The following PCDHGA7 variants were observed in gnomAD, a reference collection of about 807,000 sequenced individuals.
The protein encoded by PCDHGA7 is protocadherin gamma subfamily A, 7, also known as protocadherin gamma-A7.
In PCDHGA7, 44 loss-of-function variants were observed where a neutral mutation model predicts 58.3. That is an observed-to-expected ratio of 0.75 (90% CI 0.59 to 0.97). The LOEUF (loss-of-function observed/expected upper bound fraction) is 0.97. PCDHGA7 is among the 50% of genes least tolerant of loss of function. PCDHGA7 has a pLI of 0.00. For missense variants in PCDHGA7, 1,266 were observed against 1,188.7 expected, an observed-to-expected ratio of 1.06 and a Z score of -0.96; for synonymous variants, 516 against 504.2, an observed-to-expected ratio of 1.02 and a Z score of -0.31.
intron 1 of PCDHGA7, among the ~76,000 whole-genome samples, chr5:141,472,001 G>A (rs992798148): frequency 1.1e-4 from 17 of 152,022 alleles, no homozygotes; most frequent in East Asian, 3.9e-4. Context: ...TCCCTGCATC[G>A]TATAGGGGCA....
Position 141,413,166 on chromosome 5 carries a change from C to T in PCDHGA7, c.2424+27843C>T, listed in dbSNP as rs758193163. ...GTGAGGACTTTGCAGAATTCTGTAA[C>T]CAGACTACAATGGCCGCTCAAAGGA... On this transcript the variant is annotated intron_variant, in intron 1 of 3. Transcript: ENST00000518325. 5 of 1,590,278 alleles carry T rather than the reference C, an allele frequency of 3.1e-6. No individual in the cohort carries two copies. The East Asian group carries it at 1.1e-4, about 36-fold the overall frequency.
rs759346998 is a variant in PCDHGA7, at chr5:141,410,849, C to CTTTTTTTTTTTTTTTTTTTTTTTTTTTTT, written c.2424+25548_2424+25549insTTTTTTTTTTTTTTTTTTTTTTTTTTTTT. 5.4e-5 allele frequency: 7 copies of CTTTTTTTTTTTTTTTTTTTTTTTTTTTTT among 129,786 alleles called. 2 individuals carry two copies. The highest frequency in any genetic ancestry group is 3.0e-4 in the African/African-American group (5 of 16,598). 8.0% of individuals were successfully genotyped at this position (129,786 alleles called of 1,614,324 possible). A position where few individuals can be genotyped will look rare whatever the true frequency, so the allele number is the denominator to read the frequency against. ...CAGACTGAAGATATTTTGTCTTTGT[C>CTTTTTTTTTTTTTTTTTTTTTTTTTTTTT]TTTTTTTTTTTTTTTTTTTTTTGAG... On this transcript the variant is annotated intron_variant, in intron 1 of 3. Transcript: ENST00000518325.
At chr5:141,509,136 C>T (rs1217992935) in intron 3 of PCDHGA7, among the ~76,000 whole-genome samples, 1 of 152,142 alleles carries the variant, frequency 6.6e-6, no homozygotes, top group Non-Finnish European at 1.5e-5. Context: ...AAAACCGAGG[C>T]GCATCCCGGC....
chr5:141,457,270 T>C (rs1338894991), intron 1 of PCDHGA7, among the ~76,000 whole-genome samples: 2 of 152,234 alleles, frequency 1.3e-5, no homozygotes. Flanking sequence ...TTCCCCTCTG[T>C]GGGCCTACGA....
intron 1 of PCDHGA7, chr5:141,478,260 T>C (rs1340624663): frequency 6.2e-7 from 1 of 1,614,182 alleles, no homozygotes; most frequent in East Asian, 2.2e-5. Context: ...GTAATCATAT[T>C]CAAAGTTTAC....
intron 1 of PCDHGA7, chr5:141,416,261 A>G (rs2096009073): frequency 6.6e-6 from 1 of 152,294 alleles, no homozygotes; most frequent in Non-Finnish European, 1.5e-5. Flanking sequence ...ACACTGCAGT[A>G]TCCTTTTTGC....
chr5:141,384,001 CT>C lies in PCDHGA7; in HGVS notation c.1106del (p.Phe369SerfsTer14), dbSNP rs752837795. 1 of 1,613,828 alleles carries C rather than the reference CT, an allele frequency of 6.2e-7. No homozygotes were observed. The highest frequency in any genetic ancestry group is 1.1e-5 in the South Asian group (1 of 91,072). On this transcript the variant is annotated frameshift_variant, in exon 1 of 4. Coordinates refer to ENST00000518325, the MANE Select transcript of PCDHGA7 (RefSeq NM_018920.4). LOFTEE classifies it high-confidence loss of function. ...CACACCTCTTGGGACAGTCATTGCT[CT>C]TTTCTACCTACAAGACAGAGATTCT... is the stretch of plus-strand genomic sequence containing the variant. ...EDTPLGTVIA[L>X]FYLQDRDSGK... is the part of the protein sequence containing the mutation.
At chr5:141,402,361 T>G (rs2094255838) in intron 1 of PCDHGA7, among the ~76,000 whole-genome samples, 1 of 151,992 alleles carries the variant, frequency 6.6e-6, no homozygotes, top group Admixed American at 6.6e-5. Flanking sequence ...ATGAATGTAC[T>G]TCCAAACAAG....
chr5:141,440,535 G>C (rs1305958587), intron 1 of PCDHGA7: 1 of 152,154 alleles, frequency 6.6e-6, no homozygotes, highest in African/African-American at 2.4e-5. Flanking sequence ...CATGCACCAC[G>C]GTTCAGCAGG....
intron 1 of PCDHGA7, among the ~76,000 whole-genome samples, chr5:141,405,659 G>A (rs867774573): frequency 2.0e-5 from 3 of 152,106 alleles, no homozygotes; most frequent in Non-Finnish European, 4.4e-5. Flanking sequence ...TGTGTTTTTA[G>A]TAGAGACGGG....
At chr5:141,429,875 A>G (rs959789833) in intron 1 of PCDHGA7, among the ~76,000 whole-genome samples, 3 of 152,322 alleles carry the variant, frequency 2.0e-5, no homozygotes, top group Middle Eastern at 6.8e-3. Context: ...ATTTTCTTTT[A>G]CTAAGTTTCC....
chr5:141,463,548 A>C (rs2099063677), intron 1 of PCDHGA7, among the ~76,000 whole-genome samples: 1 of 140,798 alleles, frequency 7.1e-6, no homozygotes, highest in Non-Finnish European at 1.5e-5. Context: ...TCCCGGGTTC[A>C]TGCCATTCTC....
intron 1 of PCDHGA7, chr5:141,421,256 G>A (rs1205670837): frequency 1.2e-6 from 2 of 1,607,696 alleles, no homozygotes; most frequent in African/African-American, 1.3e-5. Flanking sequence ...CGCGGGGACC[G>A]CAGTCGGCTG....
chr5:141,415,387 G>A (rs1347191224), intron 1 of PCDHGA7: 2 of 1,614,168 alleles, frequency 1.2e-6, no homozygotes. Context: ...CGGCTTGACA[G>A]GTGTGTCCGG....
intron 3 of PCDHGA7, 146 bp from the exon 4 acceptor site, chr5:141,510,801 A>G: frequency 6.7e-7 from 1 of 1,489,832 alleles, no homozygotes; most frequent in Non-Finnish European, 9.1e-7. Flanking sequence ...AAGAGAGACT[A>G]CCTTGGTGAC....
In PCDHGA7 at chr5:141,431,889, A is replaced by G; in HGVS notation, c.2424+46566A>G. 1 of 1,614,170 alleles carries G rather than the reference A, an allele frequency of 6.2e-7. No homozygotes were observed. The highest frequency in any genetic ancestry group is 2.2e-5 in the East Asian group (1 of 44,888). On this transcript the variant is annotated intron_variant, in intron 1 of 3. Transcript: ENST00000518325. The surrounding 1 kb of genome is among the most constrained non-coding windows in gnomAD (Gnocchi z 4.8). The stretch of plus-strand genomic sequence containing the variant: ...TTAAATGTAAATGACCAAGATTCTG[A>G]GGAAAACGGACAGGTGATCTGTTTC...
intron 1 of PCDHGA7, chr5:141,410,614 G>A: frequency 6.2e-7 from 1 of 1,604,858 alleles, no homozygotes; most frequent in South Asian, 1.1e-5. Flanking sequence ...CTGAGACTCT[G>A]ACTTCGGTGA....
At position 141,415,641 on chromosome 5, in the gene PCDHGA7, TAA is replaced by T. The variant is rs113784532; in HGVS notation, c.2424+30328_2424+30329del. On this transcript the variant is annotated intron_variant, in intron 1 of 3. Transcript: ENST00000518325. ...GTTTTATTTTCATTTTTACTTTTGT[TAA>T]AAAAAAAAAGATTGGTTTTTACTTT... is the stretch of plus-strand genomic sequence containing the variant. 3.1e-5 allele frequency: 40 copies of T among 1,280,748 alleles called. No homozygotes were observed. The African/African-American group carries it at 4.6e-4, about 15-fold the overall frequency. 79.3% of individuals were successfully genotyped at this position (1,280,748 alleles called of 1,614,324 possible).
intron 1 of PCDHGA7, chr5:141,403,303 C>A: frequency 6.2e-7 from 1 of 1,613,820 alleles, no homozygotes; most frequent in African/African-American, 1.3e-5. Context: ...TGAAACTGTA[C>A]GGAATAGAAA....
Sources: allele counts gnomAD v4.1 joint callset (sites outside exome capture counted in the v4.1 genomes callset), GRCh38; gene constraint gnomAD v4.1.1; non-coding constraint Gnocchi (gnomAD v3.1); transcripts MANE v1.5; gene names NCBI Gene and HGNC (gene_info 2026-07-23, HGNC 2026-07-21).